Variants in SCN1A observed in about 807,000 individuals in gnomAD.
SCN1A encodes the protein sodium voltage-gated channel alpha subunit 1.
A neutral mutation model predicts 193.7 loss-of-function variants in SCN1A; 13 were observed. That is an observed-to-expected ratio of 0.07 (90% CI 0.04 to 0.11). The LOEUF (loss-of-function observed/expected upper bound fraction) is 0.11. Among genes scored for constraint, SCN1A ranks in the 10% least tolerant of loss-of-function variants. The pLI, the probability that SCN1A is intolerant of heterozygous loss-of-function variation, is 1.00. For missense variants in SCN1A, 1,432 were observed against 2,451.1 expected (o/e 0.58, Z 8.78); for synonymous variants, 781 against 843.6 (o/e 0.93, Z 1.29).
At chr2:166,047,289 C>A (rs1479447267) in intron 11 of SCN1A, among the ~76,000 whole-genome samples, 1 of 152,038 alleles carries the variant, frequency 6.6e-6, no homozygotes, top group African/African-American at 2.4e-5. Context: ...CCAAAGTTAT[C>A]TTTCTATATC....
At chr2:166,029,463 A>G (rs1407179307) in intron 19 of SCN1A, among the ~76,000 whole-genome samples, 2 of 152,124 alleles carry the variant, frequency 1.3e-5, no homozygotes, top group Admixed American at 6.6e-5. Context: ...CTTGGGTTCC[A>G]TGGATAGTAC....
intron 27 of SCN1A, among the ~76,000 whole-genome samples, chr2:165,994,725 C>G (rs1237523769): frequency 6.6e-6 from 1 of 151,720 alleles, no homozygotes; most frequent in South Asian, 2.1e-4. Context: ...GTATGCAACA[C>G]ATATCAACAT....
At chr2:166,045,476 AGAT>A (rs1349468362) in intron 12 of SCN1A, 149 bp from the exon 13 acceptor site, 7 of 877,856 alleles carry the variant, frequency 8.0e-6, no homozygotes, top group Non-Finnish European at 1.1e-5. Flanking sequence ...GTATAAGAGG[AGAT>A]TTTTTTTTTC....
intron 4 of SCN1A, chr2:166,060,522 CT>C (rs1683187001): frequency 6.6e-6 from 1 of 152,140 alleles, no homozygotes; most frequent in African/African-American, 2.4e-5. Context: ...CATATACTTC[CT>C]TTCCCCCCAG....
intron 2 of SCN1A, among the ~76,000 whole-genome samples, chr2:166,123,274 A>C (rs1690829785): frequency 7.1e-6 from 1 of 141,628 alleles, no homozygotes; most frequent in Admixed American, 7.5e-5. Flanking sequence ...ATTTGTTCAA[A>C]TCCCTCCAAG....
At chr2:166,120,606 T>TTTTTTTTTTTTTTTTTTTTTTC (rs1690459328) in intron 2 of SCN1A, among the ~76,000 whole-genome samples, 1 of 81,882 alleles carries the variant, frequency 1.2e-5, no homozygotes, top group Non-Finnish European at 2.4e-5. Flanking sequence ...CTTTTTTTTT[T>TTTTTTTTTTTTTTTTTTTTTTC]TTTTTTTTTT....
chr2:166,107,483 A>C (rs1315308013), intron 2 of SCN1A, among the ~76,000 whole-genome samples: 1 of 152,200 alleles, frequency 6.6e-6, no homozygotes, highest in African/African-American at 2.4e-5. Context: ...TCAAAAGTTA[A>C]AATACAGAAT....
upstream of SCN1A, among the ~76,000 whole-genome samples, chr2:166,131,991 G>A (rs1349950446): frequency 2.0e-5 from 3 of 152,140 alleles, no homozygotes; most frequent in African/African-American, 4.8e-5. Context: ...CCTGTCATTT[G>A]TTTGGGAATC....
At chr2:166,029,490 T>C (rs937148800) in intron 19 of SCN1A, among the ~76,000 whole-genome samples, 1 of 152,158 alleles carries the variant, frequency 6.6e-6, no homozygotes, top group Non-Finnish European at 1.5e-5. Context: ...CAGAGAGTAG[T>C]TGCCATCTCT....
chr2:165,991,571 A>G lies in SCN1A; in HGVS notation c.5704T>C (p.Ser1902Pro), dbSNP rs371741320. 3 of 1,613,948 alleles carry G rather than the reference A, an allele frequency of 1.9e-6. No individual in the cohort carries two copies. The highest frequency in any genetic ancestry group is 1.7e-6 in the Non-Finnish European group (2 of 1,179,916). ...RFMASNPSKV[S>P]YQPITTTLKR... Reference sequence around the variant, plus strand: ...AAAGTAGTAGTGATTGGCTGATAGGAGACCTTGGAAGGATTGGAAGCCATG... The same window carrying G: ...AAAGTAGTAGTGATTGGCTGATAGGGGACCTTGGAAGGATTGGAAGCCATG... Residue 1902 changes from serine (S) to proline (P), a missense_variant, in exon 29 of 29, where the codon TCC becomes CCC. Transcript: ENST00000674923.
At chr2:166,084,350 T>C (rs1204893565) in intron 2 of SCN1A, among the ~76,000 whole-genome samples, 1 of 151,756 alleles carries the variant, frequency 6.6e-6, no homozygotes, top group Non-Finnish European at 1.5e-5. Flanking sequence ...AAAACCATGG[T>C]CTAGAAGTAA....
chr2:166,021,956 G>A (rs907653838), intron 19 of SCN1A, among the ~76,000 whole-genome samples: 2 of 152,020 alleles, frequency 1.3e-5, no homozygotes, highest in Admixed American at 6.6e-5. Flanking sequence ...TTAAAAGATT[G>A]GAAAACTCCC....
intron 1 of SCN1A, among the ~76,000 whole-genome samples, chr2:166,144,483 A>G (rs1276832936): frequency 6.6e-6 from 1 of 152,208 alleles, no homozygotes; most frequent in Non-Finnish European, 1.5e-5. Context: ...TGACTAGTAT[A>G]ATAAATGATG....
chr2:166,034,923 T>C (rs1004724182), intron 19 of SCN1A, among the ~76,000 whole-genome samples: 3 of 152,174 alleles, frequency 2.0e-5, no homozygotes, highest in Admixed American at 6.5e-5. Context: ...TCACTAGACA[T>C]TGATGCTGCT....
chr2:166,040,964 A>T (rs1430485639), intron 16 of SCN1A, among the ~76,000 whole-genome samples: 1 of 152,234 alleles, frequency 6.6e-6, no homozygotes. Context: ...TCTATGAGCT[A>T]CTTCTGGATC....
rs925716917 is a variant in SCN1A at position 166,102,295 on chromosome 2, G to A, written c.-141-24494C>T. ...GCGGATCACGAGGTCAGGATATCGA[G>A]ACCATCCTGACTAACACGGTGAAAC... On this transcript the variant is annotated intron_variant, in intron 2 of 28. Coordinates refer to ENST00000674923, the MANE Select transcript of SCN1A (RefSeq NM_001165963.4). Among the ~76,000 whole-genome samples, 8 of 152,012 alleles carry A rather than the reference G, an allele frequency of 5.3e-5. No individual in the cohort carries two copies. The South Asian group carries it at 8.3e-4, about 16-fold the overall frequency.
chr2:166,144,926 G>C (rs5028093), intron 1 of SCN1A, among the ~76,000 whole-genome samples: 1 of 149,872 alleles, frequency 6.7e-6, no homozygotes, highest in Admixed American at 6.6e-5. Flanking sequence ...ATCTCGGCTC[G>C]CTGCAACCTC....
intron 27 of SCN1A, 52 bp downstream of exon 27, chr2:165,995,961 A>C: frequency 8.2e-7 from 1 of 1,213,298 alleles, no homozygotes; most frequent in South Asian, 1.2e-5. Context: ...TGAGACAAGC[A>C]TGCAAGTTTT....
chr2:166,006,214 A>C (rs1691629552), intron 23 of SCN1A, among the ~76,000 whole-genome samples: 1 of 151,364 alleles, frequency 6.6e-6, no homozygotes, highest in Non-Finnish European at 1.5e-5. Context: ...TCCATTTTTA[A>C]GTATAAAGAA....
Sources: gnomAD v4.1 joint callset for allele counts (sites outside exome capture counted in the v4.1 genomes callset) on GRCh38, gnomAD v4.1.1 for gene constraint, MANE v1.5 for transcripts, NCBI Gene and HGNC (gene_info 2026-07-23, HGNC 2026-07-21) for gene names.